Variants in EPHA6 observed in about 807,000 individuals in gnomAD.
EPHA6 encodes the protein ephrin type-A receptor 6.
A neutral mutation model predicts 112.0 loss-of-function variants in EPHA6; 50 were observed. That is an observed-to-expected ratio of 0.45 (90% CI 0.36 to 0.56). The LOEUF is 0.56. EPHA6 is among the 20% of genes least tolerant of loss of function. The probability of loss-of-function intolerance (pLI) is 0.00; values close to 1 mark genes in which losing one functional copy is unlikely to be tolerated. For missense variants in EPHA6, 1,280 were observed against 1,417.4 expected, an observed-to-expected ratio of 0.90 and a Z score of 1.56; for synonymous variants, 529 against 490.7, an observed-to-expected ratio of 1.08 and a Z score of -1.03.
chr3:97,481,541 C>T, intron 9 of EPHA6: 2 of 784,366 alleles, frequency 2.5e-6, no homozygotes, highest in Non-Finnish European at 4.4e-6. Context: ...CCGGGGGTCC[C>T]TAGAGCCGCC....
chr3:97,104,352 G>A (rs1039112363), intron 3 of EPHA6, among the ~76,000 whole-genome samples: 8 of 152,122 alleles, frequency 5.3e-5, no homozygotes, highest in Non-Finnish European at 8.8e-5. Context: ...GTTTTAACAA[G>A]AAGCGATGTT....
intron 2 of EPHA6, among the ~76,000 whole-genome samples, chr3:96,882,410 A>C (rs2037367119): frequency 2.0e-5 from 3 of 152,064 alleles, no homozygotes; most frequent in African/African-American, 7.2e-5. Flanking sequence ...TGCATGAGTA[A>C]GTTCTTTAGT....
intron 3 of EPHA6, among the ~76,000 whole-genome samples, chr3:97,031,326 G>A (rs572213567): frequency 7.2e-5 from 11 of 151,960 alleles, no homozygotes; most frequent in Admixed American, 5.3e-4. Context: ...AATGTTAGAC[G>A]TAAAACCATA....
At chr3:96,856,212 C>T (rs1193733662) in intron 1 of EPHA6, among the ~76,000 whole-genome samples, 4 of 151,844 alleles carry the variant, frequency 2.6e-5, no homozygotes, top group Non-Finnish European at 5.9e-5. Context: ...TGCACATCAG[C>T]CTGGGTGACA....
chr3:96,958,312 A>C (rs1291960320), intron 2 of EPHA6, among the ~76,000 whole-genome samples: 1 of 151,834 alleles, frequency 6.6e-6, no homozygotes, highest in Non-Finnish European at 1.5e-5. Context: ...AAAAAAAAGA[A>C]CTTGACTTTC....
At chr3:97,033,069 A>G (rs982322196) in intron 3 of EPHA6, among the ~76,000 whole-genome samples, 6 of 151,850 alleles carry the variant, frequency 4.0e-5, no homozygotes, top group African/African-American at 9.7e-5. Flanking sequence ...AAGAAAGAAA[A>G]AAAAAAGGAA....
At chr3:97,307,852 T>C (rs1396816500) in intron 5 of EPHA6, among the ~76,000 whole-genome samples, 2 of 151,798 alleles carry the variant, frequency 1.3e-5, no homozygotes, top group African/African-American at 4.8e-5. Context: ...CATTTCAAAC[T>C]ATCTCTCTCT....
At chr3:96,935,032 C>T (rs552690844) in intron 2 of EPHA6, among the ~76,000 whole-genome samples, 2 of 151,642 alleles carry the variant, frequency 1.3e-5, no homozygotes, top group Admixed American at 6.6e-5. Flanking sequence ...TCTCTAATGT[C>T]TACCCAACGC....
At chr3:97,100,181 A>G (rs887294586) in intron 3 of EPHA6, among the ~76,000 whole-genome samples, 3 of 151,414 alleles carry the variant, frequency 2.0e-5, no homozygotes, top group Middle Eastern at 3.4e-3. Flanking sequence ...GTCTCTAATC[A>G]TAATAGAATA....
intron 3 of EPHA6, among the ~76,000 whole-genome samples, chr3:97,213,310 G>C (rs1341441847): frequency 6.6e-6 from 1 of 152,154 alleles, no homozygotes; most frequent in Non-Finnish European, 1.5e-5. Context: ...AATGGAGGTT[G>C]ACCCAACCCT....
rs541738987 is a variant in EPHA6 at position 97,037,876 on chromosome 3, G to T, written c.1114+49883G>T. Among the ~76,000 whole-genome samples the T allele has an allele frequency of 5.3e-5, 8 of 152,118 alleles. No individual in the cohort carries two copies. In the South Asian group the frequency reaches 1.7e-3, roughly 32 times the overall value. Reference sequence around the variant, plus strand: ...TGAATGTTGGGTAAGAGGAGAAAGTGTGATAAAACAAGGGTATGATGGCAA... The same window carrying T: ...TGAATGTTGGGTAAGAGGAGAAAGTTTGATAAAACAAGGGTATGATGGCAA... On this transcript the variant is annotated intron_variant, in intron 3 of 17. Coordinates refer to ENST00000389672, the MANE Select transcript of EPHA6 (RefSeq NM_001080448.3).
At chr3:97,395,143 A>G (rs1559954894) in intron 5 of EPHA6, among the ~76,000 whole-genome samples, 1 of 151,710 alleles carries the variant, frequency 6.6e-6, no homozygotes, top group Admixed American at 6.6e-5. Context: ...AGAAAAAAAA[A>G]CAAGGAAGAA....
intron 5 of EPHA6, among the ~76,000 whole-genome samples, chr3:97,371,787 GA>G (rs2085070183): frequency 6.6e-6 from 1 of 152,104 alleles, no homozygotes; most frequent in Non-Finnish European, 1.5e-5. Flanking sequence ...CCCTGAGAAA[GA>G]GAATGCATGC....
intron 1 of EPHA6, among the ~76,000 whole-genome samples, chr3:96,830,095 ATAAATT>A (rs1160951779): frequency 1.3e-5 from 2 of 152,140 alleles, no homozygotes; most frequent in African/African-American, 2.4e-5. Flanking sequence ...GAAAAGAACT[ATAAATT>A]TAAAGTATGT....
At chr3:97,134,086 A>G (rs137860533) in intron 3 of EPHA6, among the ~76,000 whole-genome samples, 261 of 152,142 alleles carry the variant, frequency 1.7e-3, no homozygotes, top group African/African-American at 5.9e-3. Context: ...AAATATGACT[A>G]TAGAGTCAGA....
intron 2 of EPHA6, among the ~76,000 whole-genome samples, chr3:96,971,306 T>G (rs1244275526): frequency 6.6e-6 from 1 of 152,086 alleles, no homozygotes; most frequent in Admixed American, 6.6e-5. Flanking sequence ...TTAATTAGAC[T>G]CAGCAGTTGT....
At chr3:97,192,232 G>A (rs1194072388) in intron 3 of EPHA6, among the ~76,000 whole-genome samples, 3 of 152,030 alleles carry the variant, frequency 2.0e-5, no homozygotes, top group African/African-American at 4.8e-5. Context: ...TGCCTCCCAG[G>A]TTCAAGCCAC....
intron 10 of EPHA6, among the ~76,000 whole-genome samples, chr3:97,485,125 C>A (rs1367323968): frequency 6.6e-6 from 1 of 152,134 alleles, no homozygotes; most frequent in Non-Finnish European, 1.5e-5. Context: ...TTGTTTAATC[C>A]TTTGGAAAGA....
At chr3:97,315,685 T>A (rs2081795551) in intron 5 of EPHA6, among the ~76,000 whole-genome samples, 1 of 151,808 alleles carries the variant, frequency 6.6e-6, no homozygotes, top group Non-Finnish European at 1.5e-5. Flanking sequence ...TGGTGTAAAG[T>A]CATATGCACA....
Sources: gnomAD v4.1 joint callset for allele counts (sites outside exome capture counted in the v4.1 genomes callset) on GRCh38, gnomAD v4.1.1 for gene constraint, MANE v1.5 for transcripts, NCBI Gene and HGNC (gene_info 2026-07-23, HGNC 2026-07-21) for gene names.